Variants in ALK observed in about 807,000 individuals in gnomAD.
ALK encodes ALK tyrosine kinase receptor.
A neutral mutation model predicts 163.1 loss-of-function variants in ALK; 74 were observed. That is an observed-to-expected ratio of 0.45 (90% CI 0.38 to 0.55). The LOEUF is 0.55. Among genes scored for constraint, ALK ranks in the 20% least tolerant of loss-of-function variants. The pLI is 0.00. For missense variants in ALK, 2,063 were observed against 2,105.3 expected, an observed-to-expected ratio of 0.98 and a Z score of 0.39; for synonymous variants, 960 against 843.2, an observed-to-expected ratio of 1.14 and a Z score of -2.40.
At chr2:29,622,886 C>G (rs1676075478) in intron 3 of ALK, among the ~76,000 whole-genome samples, 1 of 152,210 alleles carries the variant, frequency 6.6e-6, no homozygotes, top group South Asian at 2.1e-4. Context: ...CTGCACCTCA[C>G]TGCTCTAATC....
chr2:29,478,330 G>A (rs964684717), intron 4 of ALK, among the ~76,000 whole-genome samples: 50 of 152,228 alleles, frequency 3.3e-4, no homozygotes, highest in Non-Finnish European at 5.3e-4. Flanking sequence ...TAATGATCCT[G>A]CTTTCGTATA....
chr2:29,792,281 A>C (rs1664207986), intron 1 of ALK, among the ~76,000 whole-genome samples: 1 of 152,214 alleles, frequency 6.6e-6, no homozygotes, highest in African/African-American at 2.4e-5. Context: ...TAGATGGAAT[A>C]ATGGAACATT....
At chr2:29,299,303 G>A (rs184746730) in intron 8 of ALK, among the ~76,000 whole-genome samples, 56 of 152,218 alleles carry the variant, frequency 3.7e-4, no homozygotes, top group South Asian at 4.2e-4. Flanking sequence ...AACAACTGTC[G>A]ATGGTTTCTC....
intron 5 of ALK, among the ~76,000 whole-genome samples, chr2:29,335,026 T>A (rs1667567238): frequency 6.6e-6 from 1 of 152,088 alleles, no homozygotes; most frequent in Non-Finnish European, 1.5e-5. Flanking sequence ...CGGTGTAGAG[T>A]ATCCTGAGGC....
chr2:29,649,103 T>G (rs1183191901), intron 3 of ALK, among the ~76,000 whole-genome samples: 2 of 152,120 alleles, frequency 1.3e-5, no homozygotes, highest in Non-Finnish European at 2.9e-5. Context: ...TTTCTATTAC[T>G]CTGAAGTTTT....
intron 4 of ALK, among the ~76,000 whole-genome samples, chr2:29,384,600 C>G (rs530717001): frequency 3.9e-5 from 6 of 152,202 alleles, no homozygotes; most frequent in African/African-American, 1.4e-4. Flanking sequence ...CCTCCTGTCA[C>G]TGATTGGACC....
rs535846468 is a variant in ALK at position 29,644,766 on chromosome 2, A to G, written c.952+50084T>C. ...CAACCTTTACTAGAAACAAATTTCT[A>G]AAAGTACGTATTAAAAAGGTAAGTT... On this transcript the variant is annotated intron_variant, in intron 3 of 28. Coordinates refer to ENST00000389048, the MANE Select transcript of ALK (RefSeq NM_004304.5). 2.6e-5 allele frequency among the ~76,000 whole-genome samples: 4 copies of G among 152,338 alleles called. No individual in the cohort carries two copies. In the South Asian group the frequency reaches 8.3e-4, roughly 32 times the overall value.
chr2:29,757,702 G>A (rs1194669431), intron 1 of ALK, among the ~76,000 whole-genome samples: 1 of 152,182 alleles, frequency 6.6e-6, no homozygotes, highest in East Asian at 1.9e-4. Flanking sequence ...GCAGAGGTCA[G>A]CAAACATTTT....
chr2:29,703,868 C>T (rs1424900440), intron 2 of ALK, among the ~76,000 whole-genome samples: 1 of 152,126 alleles, frequency 6.6e-6, no homozygotes, highest in Non-Finnish European at 1.5e-5. Flanking sequence ...TAGGGCCACG[C>T]CACTGATTAA....
intron 4 of ALK, among the ~76,000 whole-genome samples, chr2:29,467,302 A>G (rs1671236986): frequency 6.6e-6 from 1 of 151,932 alleles, no homozygotes; most frequent in South Asian, 2.1e-4. Flanking sequence ...ACAGTTACTA[A>G]TTTATTGTTT....
At chr2:29,346,643 A>G (rs1188725068) in intron 5 of ALK, among the ~76,000 whole-genome samples, 4 of 152,262 alleles carry the variant, frequency 2.6e-5, no homozygotes, top group Admixed American at 2.6e-4. Context: ...TAACAAATCA[A>G]CTAAATACCG....
Position 29,642,748 on chromosome 2 carries a change from A to G in ALK, c.952+52102T>C, listed in dbSNP as rs77706187. Among the ~76,000 whole-genome samples the G allele has an allele frequency of 2.1e-3, 322 of 152,270 alleles. 2 individuals carry two copies. The highest frequency in any genetic ancestry group is 7.5e-3 in the African/African-American group (311 of 41,546). ...CAGGCAAATCAAAATAAGCAACAAC[A>G]ACAAAAAACCTGTTATAATTTCTTC... On this transcript the variant is annotated intron_variant, in intron 3 of 28. Transcript: ENST00000389048.
intron 12 of ALK, among the ~76,000 whole-genome samples, chr2:29,243,258 C>T (rs1411954647): frequency 6.6e-6 from 1 of 152,218 alleles, no homozygotes; most frequent in Non-Finnish European, 1.5e-5. Flanking sequence ...CTTAAATTTT[C>T]TGCCCAAGGT....
At chr2:29,864,595 C>A (rs553027665) in intron 1 of ALK, among the ~76,000 whole-genome samples, 2 of 152,192 alleles carry the variant, frequency 1.3e-5, no homozygotes, top group South Asian at 4.1e-4. Context: ...ACATAGTCAA[C>A]AAACATTTGT....
intron 3 of ALK, among the ~76,000 whole-genome samples, chr2:29,648,278 C>T (rs756398123): frequency 6.6e-6 from 1 of 152,000 alleles, no homozygotes; most frequent in Non-Finnish European, 1.5e-5. Context: ...AACACAGCTG[C>T]CCCTCCCTCC....
intron 12 of ALK, among the ~76,000 whole-genome samples, chr2:29,241,798 C>G (rs1573150845): frequency 6.6e-6 from 1 of 152,062 alleles, no homozygotes; most frequent in Admixed American, 6.5e-5. Flanking sequence ...CCATAAACGG[C>G]AAATGTTATT....
chr2:29,907,246 T>A (rs1436931491), intron 1 of ALK: 1 of 152,166 alleles, frequency 6.6e-6, no homozygotes, highest in East Asian at 1.9e-4. Flanking sequence ...ATACCTGAAA[T>A]CTTTTCTCTT....
At chr2:29,236,179 G>A (rs536548279) in intron 13 of ALK, among the ~76,000 whole-genome samples, 13 of 152,146 alleles carry the variant, frequency 8.5e-5, no homozygotes, top group Non-Finnish European at 1.6e-4. Flanking sequence ...GAGATTTGCT[G>A]GGCTATACTT....
intron 8 of ALK, among the ~76,000 whole-genome samples, chr2:29,300,584 C>A (rs912943786): frequency 2.0e-5 from 3 of 149,396 alleles, no homozygotes; most frequent in Admixed American, 6.7e-5. Context: ...ATGCATGTGC[C>A]CTAAGTCAAG....
Sources: allele counts gnomAD v4.1 joint callset (sites outside exome capture counted in the v4.1 genomes callset), GRCh38; gene constraint gnomAD v4.1.1; transcripts MANE v1.5; gene names NCBI Gene and HGNC (gene_info 2026-07-23, HGNC 2026-07-21).